The following ALG12 variants were observed in gnomAD, a reference collection of about 807,000 sequenced individuals.
The protein encoded by ALG12 is ALG12 alpha-1,6-mannosyltransferase, also known as dol-P-Man:Man(7)GlcNAc(2)-PP-Dol alpha-1,6-mannosyltransferase.
ALG12 carries 36 observed loss-of-function variants against 46.0 expected under a neutral mutation model. The ratio of observed to expected loss-of-function variants is 0.78; its 90% confidence interval spans 0.60 to 1.03. The LOEUF (loss-of-function observed/expected upper bound fraction) is 1.03. Among genes scored for constraint, ALG12 ranks in the 50% least tolerant of loss-of-function variants. The pLI is 0.00. For missense variants in ALG12, 599 were observed against 633.5 expected, an observed-to-expected ratio of 0.95 and a Z score of 0.58; for synonymous variants, 326 against 291.6, an observed-to-expected ratio of 1.12 and a Z score of -1.20.
chr22:49,885,638 C>A, the ALG12 span: 1 of 1,612,180 alleles, frequency 6.2e-7, no homozygotes. Flanking sequence ...AAAAAAATCA[C>A]AAGTCTCATA....
chr22:49,874,054 G>A, the ALG12 span, among the ~76,000 whole-genome samples: 1 of 152,210 alleles, frequency 6.6e-6, no homozygotes, highest in Admixed American at 6.5e-5. Flanking sequence ...GTACTGTTTT[G>A]TAGAGGCCTT....
Position 49,912,218 on chromosome 22 carries a change from T to TG in ALG12, c.295+1166dup, listed in dbSNP as rs140366863. On this transcript the variant is annotated intron_variant, in intron 3 of 9. Coordinates refer to ENST00000330817, the MANE Select transcript of ALG12 (RefSeq NM_024105.4). Reference sequence around the variant, plus strand: ...AAGGATTTTGGCCTGTGGCAGGGGCTGGGGGGGGCACTAGCAATTCCAGGT... The same window carrying TG: ...AAGGATTTTGGCCTGTGGCAGGGGCTGGGGGGGGGCACTAGCAATTCCAGGT... 2.6e-3 allele frequency among the ~76,000 whole-genome samples: 400 copies of TG among 151,288 alleles called. 5 individuals are homozygous for TG. Among genetic ancestry groups the TG allele is most frequent in the African/African-American group, 8.9e-3 (365 of 40,990 alleles).
At position 49,910,338 on chromosome 22, in the gene ALG12, A is replaced by G. The variant is rs550515405; in HGVS notation, c.469+96T>C. On this transcript the variant is annotated intron_variant, in intron 4 of 9. Transcript: ENST00000330817. ...CTGAGGAACCCAGTGGGGAATGGCC[A>G]TTACGGGGGAGGCACTGCCATCAGC... is the stretch of plus-strand genomic sequence containing the variant. 35 of 1,491,954 alleles carry G rather than the reference A, an allele frequency of 2.3e-5. No individual in the cohort carries two copies. In the East Asian group the frequency reaches 8.4e-4, roughly 36 times the overall value. The allele number at this position is 1,491,954 out of a possible 1,614,324, so 92.4% of individuals were successfully genotyped here. A position where few individuals can be genotyped will look rare whatever the true frequency, so the allele number is the denominator to read the frequency against.
At chr22:49,859,357 A>G in the ALG12 span, among the ~76,000 whole-genome samples, 1 of 152,042 alleles carries the variant, frequency 6.6e-6, no homozygotes, top group African/African-American at 2.4e-5. Context: ...CCATGTCATA[A>G]TCTAGTAAAG....
chr22:49,913,259 C>T (rs541157676), intron 3 of ALG12, 126 bp downstream of exon 3: 10 of 1,464,700 alleles, frequency 6.8e-6, no homozygotes, highest in South Asian at 2.3e-5. Context: ...CGCCATGCCA[C>T]GGTGATCGAG....
rs1475539605 is a variant in ALG12 at position 49,905,149 on chromosome 22, C to T, written c.993-643G>A. Among the ~76,000 whole-genome samples, 3 of 152,118 alleles carry T rather than the reference C, an allele frequency of 2.0e-5. No homozygotes were observed. Among genetic ancestry groups the T allele is most frequent in the African/African-American group, 4.8e-5 (2 of 41,414 alleles). On this transcript the variant is annotated intron_variant, in intron 7 of 9. Transcript: ENST00000330817. This position sits in a 1 kb window ranked among gnomAD's most constrained non-coding sequence, Gnocchi z 4.9. Reference sequence around the variant, plus strand: ...TGAACTCTCTGGGACAGGGTGCCGCCGGTTCTCTCACAATCGACTATGCCA... The same window carrying T: ...TGAACTCTCTGGGACAGGGTGCCGCTGGTTCTCTCACAATCGACTATGCCA...
At chr22:49,863,344 G>T in the ALG12 span, among the ~76,000 whole-genome samples, 1 of 152,112 alleles carries the variant, frequency 6.6e-6, no homozygotes, top group African/African-American at 2.4e-5. Flanking sequence ...AAATTTTTTT[G>T]TAGGCCGGGT....
At chr22:49,910,890 G>T (rs1190186333) in intron 3 of ALG12, among the ~76,000 whole-genome samples, 1 of 152,180 alleles carries the variant, frequency 6.6e-6, no homozygotes, top group Non-Finnish European at 1.5e-5. Flanking sequence ...GGTGCCACGA[G>T]CTGAGCCCTA....
chr22:49,862,307 C>CT, the ALG12 span, among the ~76,000 whole-genome samples: 1 of 152,216 alleles, frequency 6.6e-6, no homozygotes, highest in Non-Finnish European at 1.5e-5. Flanking sequence ...GGAGGCCTTA[C>CT]TTTTTTGCTG....
chr22:49,872,716 T>C, the ALG12 span, among the ~76,000 whole-genome samples: 8,626 of 151,782 alleles, frequency 0.057, 674 homozygotes, highest in African/African-American at 0.18. Context: ...TTTTTTTTTT[T>C]TTTCCTGAGA....
At position 49,902,964 on chromosome 22, in the gene ALG12, G is replaced by A. The variant is rs890017732; in HGVS notation, c.*874C>T. On this transcript the variant is annotated 3_prime_UTR_variant, in exon 10 of 10. Coordinates refer to ENST00000330817, the MANE Select transcript of ALG12 (RefSeq NM_024105.4). ...TGGTGTGTATGCATGGTGTGTGCAC[G>A]TGTGCACTGTGTGCATGCGTGTGTG... 1.6e-5 allele frequency: 5 copies of A among 318,848 alleles called. No homozygotes were observed. Among genetic ancestry groups the A allele is most frequent in the East Asian group, 2.0e-4 (2 of 9,770 alleles). The allele number at this position is 318,848 out of a possible 1,614,324, so 19.8% of individuals were successfully genotyped here.
At position 49,913,488 on chromosome 22, in the gene ALG12, G is replaced by GA. The variant is rs1569178070; in HGVS notation, c.191dup (p.Arg66GlnfsTer35). On this transcript the variant is annotated frameshift_variant, in exon 3 of 10. Transcript: ENST00000330817. LOFTEE classifies it high-confidence loss of function. Reference sequence around the variant, plus strand: ...CCACTGGCCCGAGGAACGTCCTGGGGACGACTCCGGGGAACTCAAGATGGT... The same window carrying GA: ...CCACTGGCCCGAGGAACGTCCTGGGGAACGACTCCGGGGAACTCAAGATGGT... 6.2e-7 allele frequency: 1 copy of GA among 1,614,020 alleles called. No individual in the cohort carries two copies. Among genetic ancestry groups the GA allele is most frequent in the East Asian group, 2.2e-5 (1 of 44,890 alleles).
At chr22:49,879,651 TGG>T in the ALG12 span, among the ~76,000 whole-genome samples, 1 of 112,940 alleles carries the variant, frequency 8.9e-6, no homozygotes, top group Non-Finnish European at 1.9e-5. Context: ...GTGTTTCTAT[TGG>T]TTGGTTTTTC....
chr22:49,904,074 A>G lies in ALG12; in HGVS notation c.1239-8T>C, dbSNP rs550573331. The G allele has an allele frequency of 3.8e-5, 61 of 1,614,040 alleles. No individual in the cohort carries two copies. In the South Asian group the frequency reaches 6.4e-4, roughly 17 times the overall value. ...TCCTCCCTCTTGTCGTACCTGTGGGATGAGAGCTGGTGGTCCTGCCCAGGG... is the reference window on the plus strand; with the variant it reads ...TCCTCCCTCTTGTCGTACCTGTGGGGTGAGAGCTGGTGGTCCTGCCCAGGG... On this transcript the variant is annotated splice_region_variant and splice_polypyrimidine_tract_variant and intron_variant, in intron 9 of 9. Coordinates refer to ENST00000330817, the MANE Select transcript of ALG12 (RefSeq NM_024105.4).
chr22:49,877,909 T>A, the ALG12 span, among the ~76,000 whole-genome samples: 1 of 152,214 alleles, frequency 6.6e-6, no homozygotes, highest in Non-Finnish European at 1.5e-5. Context: ...CCATTCATTC[T>A]TTTGTTATTG....
chr22:49,879,362 G>C, the ALG12 span, among the ~76,000 whole-genome samples: 3 of 151,632 alleles, frequency 2.0e-5, no homozygotes, highest in Non-Finnish European at 4.4e-5. Context: ...CCTGAGCTCG[G>C]TTGATCCGTC....
At chr22:49,887,365 G>A in the ALG12 span, 1 of 522,462 alleles carries the variant, frequency 1.9e-6, no homozygotes, top group Non-Finnish European at 3.4e-6. Flanking sequence ...AGTTTCGCGG[G>A]GTGTTTTATT....
At chr22:49,878,177 C>A in the ALG12 span, among the ~76,000 whole-genome samples, 1 of 151,888 alleles carries the variant, frequency 6.6e-6, no homozygotes, top group East Asian at 1.9e-4. Context: ...TGGTGACAGG[C>A]ACCTGTAATT....
chr22:49,897,048 T>A (rs967614150), downstream of ALG12, among the ~76,000 whole-genome samples: 8 of 152,294 alleles, frequency 5.3e-5, no homozygotes, highest in African/African-American at 1.9e-4. Flanking sequence ...CTTTTTTGTC[T>A]CCATAATTTT....
Sources: allele counts gnomAD v4.1 joint callset (sites outside exome capture counted in the v4.1 genomes callset), GRCh38; gene constraint gnomAD v4.1.1; non-coding constraint Gnocchi (gnomAD v3.1); transcripts MANE v1.5; gene names NCBI Gene and HGNC (gene_info 2026-07-23, HGNC 2026-07-21).